Variants in KLHL1 observed in about 807,000 individuals in gnomAD.
The protein encoded by KLHL1 is kelch like family member 1, also known as kelch-like protein 1.
In KLHL1, 47 loss-of-function variants were observed where a neutral mutation model predicts 77.7. The ratio of observed to expected loss-of-function variants is 0.60; its 90% CI spans 0.48 to 0.77. The LOEUF (loss-of-function observed/expected upper bound fraction) is 0.77, where lower values mean the gene tolerates loss of function less well. Among genes scored for constraint, KLHL1 ranks in the 30% least tolerant of loss-of-function variants. The pLI is 0.00. For synonymous variants in KLHL1, 360 were observed against 325.2 expected (o/e 1.11, Z -1.15); for missense variants, 925 against 910.8 (o/e 1.02, Z -0.20).
intron 7 of KLHL1, among the ~76,000 whole-genome samples, chr13:69,783,175 T>C (rs1566247922): frequency 6.6e-6 from 1 of 152,056 alleles, no homozygotes; most frequent in Non-Finnish European, 1.5e-5. Flanking sequence ...AACCCTTCTG[T>C]ACATCACCAT....
Position 70,008,883 on chromosome 13 carries a change from A to T in KLHL1, c.498-33081T>A, listed in dbSNP as rs142216506. 6.1e-3 allele frequency among the ~76,000 whole-genome samples: 923 copies of T among 152,238 alleles called. 5 individuals carry two copies. Among genetic ancestry groups the T allele is most frequent in the Non-Finnish European group, 9.1e-3 (621 of 67,988 alleles). On this transcript the variant is annotated intron_variant, in intron 1 of 10. Coordinates refer to ENST00000377844, the MANE Select transcript of KLHL1 (RefSeq NM_020866.3). ...AAGTTGTACACTTGTAATAGAAAGC[A>T]ACCTCAAAAATGGATCAATATTATT...
chr13:69,886,507 A>G (rs990742133), intron 4 of KLHL1, among the ~76,000 whole-genome samples: 1 of 151,200 alleles, frequency 6.6e-6, no homozygotes, highest in African/African-American at 2.4e-5. Context: ...TATATATAAA[A>G]CTCTTTTGAA....
At chr13:69,883,893 G>T (rs1881097617) in intron 4 of KLHL1, among the ~76,000 whole-genome samples, 1 of 152,144 alleles carries the variant, frequency 6.6e-6, no homozygotes, top group Non-Finnish European at 1.5e-5. Flanking sequence ...TGTCTCCTGG[G>T]ACAGCTCCAA....
chr13:69,709,336 A>G (rs1336774324), intron 9 of KLHL1, among the ~76,000 whole-genome samples: 3 of 152,092 alleles, frequency 2.0e-5, no homozygotes, highest in African/African-American at 7.2e-5. Flanking sequence ...AACATCAGAA[A>G]ATAAAAGATA....
chr13:69,702,872 T>C (rs1875459741), intron 10 of KLHL1, among the ~76,000 whole-genome samples: 4 of 151,712 alleles, frequency 2.6e-5, no homozygotes. Context: ...GAAGAATAAT[T>C]TTTATAGGTC....
chr13:69,851,112 A>T (rs1157572078), intron 5 of KLHL1, among the ~76,000 whole-genome samples: 2 of 124,326 alleles, frequency 1.6e-5, no homozygotes, highest in Non-Finnish European at 3.5e-5. Flanking sequence ...ATATACTTTT[A>T]TTTTTTATGC....
At chr13:70,100,236 GTCTT>G (rs1191874723) in intron 1 of KLHL1, among the ~76,000 whole-genome samples, 1 of 151,720 alleles carries the variant, frequency 6.6e-6, no homozygotes, top group Non-Finnish European at 1.5e-5. Flanking sequence ...CAGTGTATGA[GTCTT>G]TCACATCTTT....
chr13:70,000,554 T>C (rs773681379), intron 1 of KLHL1, among the ~76,000 whole-genome samples: 22 of 151,922 alleles, frequency 1.4e-4, no homozygotes, highest in Non-Finnish European at 3.1e-4. Flanking sequence ...GGAATATTAA[T>C]ACAAACTACC....
At chr13:69,946,959 TATC>T (rs1340594940) in intron 3 of KLHL1, among the ~76,000 whole-genome samples, 5 of 151,998 alleles carry the variant, frequency 3.3e-5, no homozygotes, top group African/African-American at 7.3e-5. Flanking sequence ...TGTACCAACT[TATC>T]ATATGAAAAA....
chr13:69,991,474 C>A (rs1885027327), intron 1 of KLHL1, among the ~76,000 whole-genome samples: 1 of 151,830 alleles, frequency 6.6e-6, no homozygotes, highest in African/African-American at 2.4e-5. Flanking sequence ...CAAATAAACA[C>A]AATCAGAAAT....
At chr13:69,852,149 C>CTA (rs953515132) in intron 5 of KLHL1, among the ~76,000 whole-genome samples, 26 of 152,020 alleles carry the variant, frequency 1.7e-4, no homozygotes, top group African/African-American at 5.8e-4. Flanking sequence ...CTTAGACTGA[C>CTA]TAGCTAACGA....
intron 5 of KLHL1, among the ~76,000 whole-genome samples, chr13:69,880,392 A>T (rs1326552634): frequency 2.0e-5 from 3 of 152,138 alleles, no homozygotes; most frequent in Admixed American, 6.6e-5. Context: ...GTGAAGGTAC[A>T]TATAAAGTTA....
At chr13:69,945,590 T>A (rs950456336) in intron 3 of KLHL1, among the ~76,000 whole-genome samples, 3 of 152,232 alleles carry the variant, frequency 2.0e-5, no homozygotes, top group Admixed American at 1.3e-4. Flanking sequence ...ATTTTCGAAC[T>A]AAATTTTTAA....
intron 7 of KLHL1, among the ~76,000 whole-genome samples, chr13:69,751,973 T>C (rs991826365): frequency 5.9e-5 from 9 of 152,090 alleles, no homozygotes; most frequent in Non-Finnish European, 1.3e-4. Flanking sequence ...AGCCTGTTAT[T>C]CAAAATTACA....
chr13:70,025,957 T>C (rs1320486778), intron 1 of KLHL1, among the ~76,000 whole-genome samples: 1 of 152,074 alleles, frequency 6.6e-6, no homozygotes, highest in African/African-American at 2.4e-5. Flanking sequence ...TGAAACATTT[T>C]GAAGGTTCAG....
intron 4 of KLHL1, among the ~76,000 whole-genome samples, chr13:69,898,943 T>C (rs1211459544): frequency 2.6e-5 from 4 of 152,146 alleles, no homozygotes; most frequent in Non-Finnish European, 4.4e-5. Context: ...GACATGTCTG[T>C]CATAAGGATT....
Position 69,902,743 on chromosome 13 carries a change from C to T in KLHL1, c.1015-20248G>A, listed in dbSNP as rs185663726. 4.4e-3 allele frequency among the ~76,000 whole-genome samples: 405 copies of T among 91,234 alleles called. 2 individuals carry two copies. Among genetic ancestry groups the T allele is most frequent in the Non-Finnish European group, 6.4e-3 (313 of 48,946 alleles). The allele number at this position is 91,234 out of a possible 152,430, so 59.9% of individuals were successfully genotyped here. ...ACAGAGGAAGGGGAACATCACATAT[C>T]GGGGTCTGTTGTAGGGTTGGGGGAG... On this transcript the variant is annotated intron_variant, in intron 4 of 10. Transcript: ENST00000377844.
At chr13:70,050,385 TATTAAA>T (rs990851469) in intron 1 of KLHL1, among the ~76,000 whole-genome samples, 1 of 151,648 alleles carries the variant, frequency 6.6e-6, no homozygotes, top group Non-Finnish European at 1.5e-5. Context: ...GATTATAAAA[TATTAAA>T]ATTAAGTTTG....
At chr13:69,899,126 A>G (rs1417407150) in intron 4 of KLHL1, among the ~76,000 whole-genome samples, 3 of 151,718 alleles carry the variant, frequency 2.0e-5, no homozygotes, top group South Asian at 4.2e-4. Context: ...ATATATCCAG[A>G]AAAAAAATGA....
Sources: gnomAD v4.1 joint callset for allele counts (sites outside exome capture counted in the v4.1 genomes callset) on GRCh38, gnomAD v4.1.1 for gene constraint, MANE v1.5 for transcripts, NCBI Gene and HGNC (gene_info 2026-07-23, HGNC 2026-07-21) for gene names.